Variants in ALK observed in about 807,000 individuals in gnomAD.
ALK encodes ALK tyrosine kinase receptor.
ALK carries 74 observed loss-of-function variants against 163.1 expected under a neutral mutation model. The observed-to-expected ratio is 0.45, with a 90% CI of 0.38 to 0.55. The LOEUF (loss-of-function observed/expected upper bound fraction) is 0.55, where lower values mean the gene tolerates loss of function less well. Ranked by LOEUF, ALK falls within the 20% of genes least tolerant of loss-of-function variation. ALK has a pLI of 0.00. For synonymous variants in ALK, 960 were observed against 843.2 expected (o/e 1.14, Z -2.40); for missense variants, 2,063 against 2,105.3 (o/e 0.98, Z 0.39).
intron 8 of ALK, among the ~76,000 whole-genome samples, chr2:29,298,639 A>G (rs1666272371): frequency 6.6e-6 from 1 of 152,042 alleles, no homozygotes; most frequent in South Asian, 2.1e-4. Context: ...TCGCATACTG[A>G]CACTCTCACC....
At chr2:29,327,198 C>A (rs997617858) in intron 6 of ALK, among the ~76,000 whole-genome samples, 1 of 152,188 alleles carries the variant, frequency 6.6e-6, no homozygotes, top group African/African-American at 2.4e-5. Flanking sequence ...TACTCCGCCC[C>A]GACTGCCAGT....
At chr2:29,624,228 T>C (rs1218212189) in intron 3 of ALK, among the ~76,000 whole-genome samples, 1 of 70,802 alleles carries the variant, frequency 1.4e-5, no homozygotes, top group African/African-American at 4.1e-5. Flanking sequence ...TGGAGATGTG[T>C]GAGGGAGGCC....
intron 5 of ALK, among the ~76,000 whole-genome samples, chr2:29,345,425 A>T (rs1667919663): frequency 7.7e-6 from 1 of 129,166 alleles, no homozygotes; most frequent in South Asian, 2.2e-4. Context: ...TAAATAAATA[A>T]ATAAATAAAT....
At chr2:29,476,536 T>A (rs1671526712) in intron 4 of ALK, among the ~76,000 whole-genome samples, 1 of 152,036 alleles carries the variant, frequency 6.6e-6, no homozygotes, top group Admixed American at 6.5e-5. Flanking sequence ...AAACTCCGTG[T>A]ACCCACAGGC....
intron 9 of ALK, among the ~76,000 whole-genome samples, chr2:29,296,247 C>A (rs1353086021): frequency 2.6e-5 from 4 of 152,190 alleles, no homozygotes; most frequent in Admixed American, 6.5e-5. Flanking sequence ...GGAACTAAGA[C>A]CACAAGTAGA....
intron 3 of ALK, among the ~76,000 whole-genome samples, chr2:29,631,137 G>A (rs1676359251): frequency 6.6e-6 from 1 of 152,150 alleles, no homozygotes; most frequent in Non-Finnish European, 1.5e-5. Context: ...TTAAGATTTG[G>A]GAAAAACTTG....
intron 1 of ALK, among the ~76,000 whole-genome samples, chr2:29,777,334 C>T (rs1378262866): frequency 6.6e-6 from 1 of 151,978 alleles, no homozygotes; most frequent in Admixed American, 6.6e-5. Context: ...AAATCATCAC[C>T]CAGCCTACGA....
intron 6 of ALK, among the ~76,000 whole-genome samples, chr2:29,325,460 G>A (rs1316236753): frequency 6.6e-6 from 1 of 152,172 alleles, no homozygotes; most frequent in Admixed American, 6.5e-5. Flanking sequence ...GTGTCAGTAG[G>A]CATCACTTTA....
chr2:29,883,750 C>T (rs962097300), intron 1 of ALK, among the ~76,000 whole-genome samples: 10 of 152,018 alleles, frequency 6.6e-5, no homozygotes, highest in African/African-American at 2.4e-4. Flanking sequence ...GAGTTTGGAC[C>T]GCACGGGTCC....
intron 16 of ALK, among the ~76,000 whole-genome samples, chr2:29,228,125 C>T (rs1422711216): frequency 6.6e-6 from 1 of 152,212 alleles, no homozygotes; most frequent in Non-Finnish European, 1.5e-5. Flanking sequence ...CCCGTCCCTC[C>T]TTTCATCTGG....
intron 9 of ALK, among the ~76,000 whole-genome samples, chr2:29,292,383 T>G (rs72790292): frequency 2.0e-5 from 3 of 152,280 alleles, no homozygotes; most frequent in Non-Finnish European, 2.9e-5. Flanking sequence ...GTAAGATATA[T>G]AGAGAGAGGA....
intron 3 of ALK, among the ~76,000 whole-genome samples, chr2:29,591,946 C>T (rs991833661): frequency 4.0e-5 from 6 of 151,830 alleles, no homozygotes; most frequent in Non-Finnish European, 1.5e-5. Context: ...TTATTCTTTT[C>T]GGCTTGAGAT....
At chr2:29,597,035 A>T (rs2148211577) in intron 3 of ALK, among the ~76,000 whole-genome samples, 1 of 152,340 alleles carries the variant, frequency 6.6e-6, no homozygotes, top group African/African-American at 2.4e-5. Flanking sequence ...GGGCCAGTCA[A>T]TACCTAGATC....
intron 1 of ALK, among the ~76,000 whole-genome samples, chr2:29,901,077 CGAG>C (rs1309496883): frequency 6.6e-6 from 1 of 152,072 alleles, no homozygotes; most frequent in Non-Finnish European, 1.5e-5. Context: ...AGATTTGGAA[CGAG>C]GAGGGGATCC....
At chr2:29,701,417 A>C (rs1468178012) in intron 2 of ALK, among the ~76,000 whole-genome samples, 1 of 152,228 alleles carries the variant, frequency 6.6e-6, no homozygotes, top group African/African-American at 2.4e-5. Context: ...CCCCTGGGGC[A>C]GGTCCACATC....
At chr2:29,833,827 A>G (rs969054804) in intron 1 of ALK, among the ~76,000 whole-genome samples, 1 of 152,216 alleles carries the variant, frequency 6.6e-6, no homozygotes, top group African/African-American at 2.4e-5. Context: ...GAAAAATTAC[A>G]AACATATCTC....
intron 23 of ALK, among the ~76,000 whole-genome samples, chr2:29,219,427 C>G (rs1669724961): frequency 6.6e-6 from 1 of 152,210 alleles, no homozygotes; most frequent in Non-Finnish European, 1.5e-5. Flanking sequence ...CTTTGAGTCC[C>G]TTTGAGCAGT....
chr2:29,365,128 C>T (rs543417164), intron 5 of ALK, among the ~76,000 whole-genome samples: 1 of 152,288 alleles, frequency 6.6e-6, no homozygotes, highest in Admixed American at 6.5e-5. Context: ...AGGGAATTTA[C>T]CATCTAGATT....
intron 1 of ALK, among the ~76,000 whole-genome samples, chr2:29,746,391 C>T (rs1680209329): frequency 6.6e-6 from 1 of 152,208 alleles, no homozygotes; most frequent in African/African-American, 2.4e-5. Context: ...TAGGTCCATG[C>T]ATGCTGGTGA....
Sources: gnomAD v4.1 joint callset for allele counts (sites outside exome capture counted in the v4.1 genomes callset) on GRCh38, gnomAD v4.1.1 for gene constraint, MANE v1.5 for transcripts, NCBI Gene and HGNC (gene_info 2026-07-23, HGNC 2026-07-21) for gene names.